The following CNNM2 variants were observed in gnomAD, a reference collection of about 807,000 sequenced individuals.
CNNM2 encodes the protein cyclin and CBS domain divalent metal cation transport mediator 2.
A neutral mutation model predicts 66.9 loss-of-function variants in CNNM2; 12 were observed. The observed-to-expected ratio is 0.18, with a 90% confidence interval of 0.11 to 0.29. The LOEUF (loss-of-function observed/expected upper bound fraction) is 0.29. Among genes scored for constraint, CNNM2 ranks in the 10% least tolerant of loss-of-function variants. The pLI, the probability that CNNM2 is intolerant of heterozygous loss-of-function variation, is 1.00. For synonymous variants in CNNM2, 557 were observed against 501.8 expected (o/e 1.11, Z -1.47); for missense variants, 705 against 1,167.7 (o/e 0.60, Z 5.77).
chr10:103,023,907 A>G (rs1048868961), intron 1 of CNNM2, among the ~76,000 whole-genome samples: 22 of 152,196 alleles, frequency 1.4e-4, no homozygotes, highest in Non-Finnish European at 2.6e-4. Flanking sequence ...AGATGTGATA[A>G]TTTTTAATTT....
intron 1 of CNNM2, among the ~76,000 whole-genome samples, chr10:103,003,110 G>A (rs2064154454): frequency 8.9e-6 from 1 of 112,090 alleles, no homozygotes; most frequent in African/African-American, 3.5e-5. Context: ...TATAACATGT[G>A]TGAATCTTTT....
At position 102,955,594 on chromosome 10, in the gene CNNM2, A is replaced by G; in HGVS notation, c.1621+35493A>G. Among the ~76,000 whole-genome samples the G allele has an allele frequency of 1.3e-5, 2 of 152,224 alleles. 1 individual carries two copies. The highest frequency in any genetic ancestry group is 2.9e-5 in the Non-Finnish European group (2 of 68,038). On this transcript the variant is annotated intron_variant, in intron 1 of 7. Coordinates refer to ENST00000369878, the MANE Select transcript of CNNM2 (RefSeq NM_017649.5). ...CCATCAGAGTGAACAGGCAACCTACAGAATGGGAGAAAATTTTTGCAATCT... is the reference window on the plus strand; with the variant it reads ...CCATCAGAGTGAACAGGCAACCTACGGAATGGGAGAAAATTTTTGCAATCT...
intron 1 of CNNM2, among the ~76,000 whole-genome samples, chr10:102,982,447 G>A (rs2063733102): frequency 6.6e-6 from 1 of 152,150 alleles, no homozygotes; most frequent in African/African-American, 2.4e-5. Context: ...CTTTTTATTG[G>A]CTCTTTTTGT....
intron 1 of CNNM2, among the ~76,000 whole-genome samples, chr10:102,965,418 A>ACT (rs1306472320): frequency 6.6e-6 from 1 of 152,246 alleles, no homozygotes; most frequent in Non-Finnish European, 1.5e-5. Flanking sequence ...AAAGACGAGA[A>ACT]GTAGGAAATC....
rs767007558 is a variant in CNNM2 at position 103,089,868 on chromosome 10, A to T, written c.*12688A>T. On this transcript the variant is annotated 3_prime_UTR_variant, in exon 8 of 8. Transcript: ENST00000369878. ...GGCAAGAGGAGACTCCATCTCATTG[A>T]TATCTACGTGTGTGTGCTCCACCGT... The T allele has an allele frequency of 3.1e-6, 5 of 1,613,672 alleles. No individual in the cohort carries two copies. The Middle Eastern group carries it at 8.3e-4, about 266-fold the overall frequency.
chr10:102,927,371 T>A (rs1245904859), intron 1 of CNNM2: 1 of 1,613,792 alleles, frequency 6.2e-7, no homozygotes. Flanking sequence ...ACCCAAATCA[T>A]ACCAACACTG....
intron 1 of CNNM2, among the ~76,000 whole-genome samples, chr10:102,980,835 C>A (rs1166365198): frequency 6.6e-6 from 1 of 152,048 alleles, no homozygotes; most frequent in Non-Finnish European, 1.5e-5. Context: ...CGATCACATG[C>A]TTTTTTTTCT....
chr10:102,979,920 A>AT lies in CNNM2; in HGVS notation c.1621+59830dup, dbSNP rs201616013. ...TCTTCCATCTCTTTCTTTTCTTTTT[A>AT]TTTTTTTTTTTGAGACATATTCTTG... On this transcript the variant is annotated intron_variant, in intron 1 of 7. Coordinates refer to ENST00000369878, the MANE Select transcript of CNNM2 (RefSeq NM_017649.5). Among the ~76,000 whole-genome samples the AT allele has an allele frequency of 0.1, 15,248 of 146,978 alleles. 887 individuals carry two copies. The highest frequency in any genetic ancestry group is 0.27 in the East Asian group (1,347 of 5,032).
At chr10:103,020,777 C>T (rs925429707) in intron 1 of CNNM2, among the ~76,000 whole-genome samples, 4 of 143,482 alleles carry the variant, frequency 2.8e-5, no homozygotes, top group Non-Finnish European at 6.2e-5. Flanking sequence ...GAAAGCTAGA[C>T]TGGGAAGGGG....
At position 102,961,968 on chromosome 10, in the gene CNNM2, T is replaced by C. The variant is rs11191478; in HGVS notation, c.1621+41867T>C. Among the ~76,000 whole-genome samples, 591 of 151,960 alleles carry C rather than the reference T, an allele frequency of 3.9e-3. 27 individuals carry two copies. In the East Asian group the frequency reaches 0.081, roughly 21 times the overall value. On this transcript the variant is annotated intron_variant, in intron 1 of 7. Coordinates refer to ENST00000369878, the MANE Select transcript of CNNM2 (RefSeq NM_017649.5). ...ACGATACTTATAAAAAACAAACTTA[T>C]GACTTGAAATAAGGCACTTACTTTT...
chr10:102,975,701 A>G (rs930667901), intron 1 of CNNM2, among the ~76,000 whole-genome samples: 1 of 152,166 alleles, frequency 6.6e-6, no homozygotes, highest in Non-Finnish European at 1.5e-5. Context: ...AAACCACAAC[A>G]CTAAGTGATT....
At chr10:102,947,877 T>C (rs567493994) in intron 1 of CNNM2, among the ~76,000 whole-genome samples, 20 of 152,076 alleles carry the variant, frequency 1.3e-4, no homozygotes, top group Non-Finnish European at 2.4e-4. Context: ...GGTGAAACCC[T>C]GTCTTTACTA....
intron 1 of CNNM2, among the ~76,000 whole-genome samples, chr10:103,017,568 G>A (rs1482314492): frequency 1.3e-5 from 2 of 152,198 alleles, no homozygotes; most frequent in Non-Finnish European, 2.9e-5. Context: ...GGGGGATAAT[G>A]AGTGTGAACA....
intron 1 of CNNM2, among the ~76,000 whole-genome samples, chr10:103,012,890 C>T (rs2064372235): frequency 6.6e-6 from 1 of 152,122 alleles, no homozygotes; most frequent in Admixed American, 6.6e-5. Flanking sequence ...AGAAAGTTTA[C>T]CATAGCCTTT....
Position 102,918,542 on chromosome 10 carries a change from C to T in CNNM2, c.62C>T (p.Ala21Val), listed in dbSNP as rs766846061. The T allele has an allele frequency of 1.9e-6, 3 of 1,601,848 alleles. No homozygotes were observed. The South Asian group carries it at 3.3e-5, about 18-fold the overall frequency. ...ATGGCGGGCGGGCAGGCAGCCGCCG[C>T]ACTGCCCACTTGGAAGATGGCGGCG... ...VKMAGGQAAA[A>V]LPTWKMAARR... Residue 21 changes from alanine (A) to valine (V), a missense_variant, in exon 1 of 8, where the codon GCA (alanine) becomes GTA (valine). By Grantham distance (64) the Ala-to-Val change is moderately conservative. Coordinates refer to ENST00000369878, the MANE Select transcript of CNNM2 (RefSeq NM_017649.5). The surrounding 1 kb of genome is among the most constrained non-coding windows in gnomAD (Gnocchi z 4.1).
At chr10:103,018,471 C>A (rs548781126) in intron 1 of CNNM2, among the ~76,000 whole-genome samples, 133 of 152,094 alleles carry the variant, frequency 8.7e-4, no homozygotes, top group Non-Finnish European at 1.4e-3. Flanking sequence ...AAAAGATCAC[C>A]AGCAGATAGA....
At position 103,079,381 on chromosome 10, in the gene CNNM2, C is replaced by T. The variant is rs2065734085; in HGVS notation, c.*2201C>T. ...GCTTCTCTGGCCTCAGGAACTCTGC[C>T]CTGTCAACCTATCTGGGCTCACGTC... On this transcript the variant is annotated 3_prime_UTR_variant, in exon 8 of 8. Transcript: ENST00000369878. 1.3e-5 allele frequency: 2 copies of T among 152,350 alleles called. No individual in the cohort carries two copies. Among genetic ancestry groups the T allele is most frequent in the African/African-American group, 4.8e-5 (2 of 41,452 alleles). 9.4% of individuals were successfully genotyped at this position (152,350 alleles called of 1,614,324 possible). A position where few individuals can be genotyped will look rare whatever the true frequency, so the allele number is the denominator to read the frequency against.
chr10:103,050,011 A>G (rs1454733134), intron 2 of CNNM2, among the ~76,000 whole-genome samples, 161 bp downstream of exon 2: 1 of 152,180 alleles, frequency 6.6e-6, no homozygotes, highest in Non-Finnish European at 1.5e-5. Flanking sequence ...TCCTTTTATC[A>G]GAAGGAGCAG....
intron 1 of CNNM2, among the ~76,000 whole-genome samples, chr10:102,946,540 G>A (rs1297389888): frequency 1.3e-5 from 2 of 152,040 alleles, no homozygotes; most frequent in African/African-American, 4.8e-5. Flanking sequence ...AAGCACTTGT[G>A]CTAGCTGTTG....
Sources: allele counts gnomAD v4.1 joint callset (sites outside exome capture counted in the v4.1 genomes callset), GRCh38; gene constraint gnomAD v4.1.1; non-coding constraint Gnocchi (gnomAD v3.1); transcripts MANE v1.5; gene names NCBI Gene and HGNC (gene_info 2026-07-23, HGNC 2026-07-21).